Variants in HPSE2 observed in about 807,000 individuals in gnomAD.
HPSE2 encodes the protein inactive heparanase-2.
A neutral mutation model predicts 60.5 loss-of-function variants in HPSE2; 38 were observed. The ratio of observed to expected loss-of-function variants is 0.63; its 90% CI spans 0.48 to 0.82. The LOEUF is 0.82. HPSE2 is among the 40% of genes least tolerant of loss of function. HPSE2 has a pLI of 0.00. For synonymous variants in HPSE2, 295 were observed against 293.2 expected (o/e 1.01, Z -0.06); for missense variants, 713 against 740.4 (o/e 0.96, Z 0.43).
intron 6 of HPSE2, among the ~76,000 whole-genome samples, chr10:98,680,350 C>A (rs1346122634): frequency 1.3e-5 from 2 of 151,902 alleles, no homozygotes; most frequent in Admixed American, 6.6e-5. Context: ...TGATCAAGAT[C>A]ATTTATGTGA....
At chr10:98,576,489 A>G (rs749742248) in intron 9 of HPSE2, among the ~76,000 whole-genome samples, 8 of 152,276 alleles carry the variant, frequency 5.3e-5, no homozygotes, top group South Asian at 2.1e-4. Context: ...AAACTGTAAT[A>G]AAAACTACCT....
At chr10:98,669,705 C>A (rs529491350) in intron 6 of HPSE2, among the ~76,000 whole-genome samples, 1 of 152,218 alleles carries the variant, frequency 6.6e-6, no homozygotes, top group Non-Finnish European at 1.5e-5. Context: ...AACATGGGAA[C>A]AATAGACACT....
At chr10:98,986,025 T>A (rs1956337707) in intron 3 of HPSE2, among the ~76,000 whole-genome samples, 1 of 151,996 alleles carries the variant, frequency 6.6e-6, no homozygotes, top group African/African-American at 2.4e-5. Context: ...AGACTTAGAC[T>A]CCCACACAAT....
intron 3 of HPSE2, among the ~76,000 whole-genome samples, chr10:98,955,957 G>A (rs944445637): frequency 4.6e-5 from 7 of 152,046 alleles, no homozygotes; most frequent in African/African-American, 1.7e-4. Context: ...GGCCTCTCAG[G>A]AGTGAAGGGG....
At chr10:99,225,323 C>T (rs1405871881) in intron 2 of HPSE2, among the ~76,000 whole-genome samples, 1 of 151,952 alleles carries the variant, frequency 6.6e-6, no homozygotes, top group Non-Finnish European at 1.5e-5. Flanking sequence ...GCTGAAGTAA[C>T]AAGAAGTCAA....
At chr10:98,799,511 T>C (rs573127383) in intron 3 of HPSE2, among the ~76,000 whole-genome samples, 59 of 152,326 alleles carry the variant, frequency 3.9e-4, no homozygotes, top group African/African-American at 1.4e-3. Context: ...ACATGGATCA[T>C]TCTCAAGGAT....
intron 9 of HPSE2, among the ~76,000 whole-genome samples, chr10:98,575,071 T>C (rs1242965215): frequency 6.6e-6 from 1 of 152,106 alleles, no homozygotes; most frequent in East Asian, 1.9e-4. Flanking sequence ...AACCAACCAC[T>C]GTAGGGAAAG....
intron 3 of HPSE2, among the ~76,000 whole-genome samples, chr10:98,918,986 G>T (rs993369574): frequency 6.6e-6 from 1 of 152,030 alleles, no homozygotes; most frequent in African/African-American, 2.4e-5. Context: ...AGGTGCAAGG[G>T]TTGTAAAGAA....
intron 2 of HPSE2, among the ~76,000 whole-genome samples, chr10:99,170,326 T>C (rs1847259891): frequency 6.6e-6 from 1 of 152,214 alleles, no homozygotes; most frequent in Admixed American, 6.5e-5. Flanking sequence ...ATATGGATAC[T>C]TGGCAGATAT....
intron 7 of HPSE2, among the ~76,000 whole-genome samples, chr10:98,631,234 A>C (rs534154368): frequency 1.3e-5 from 2 of 152,218 alleles, no homozygotes; most frequent in South Asian, 4.1e-4. Flanking sequence ...ATCTCAAACC[A>C]CAGAAAAGCA....
At chr10:98,885,605 T>C (rs1037538987) in intron 3 of HPSE2, among the ~76,000 whole-genome samples, 4 of 152,090 alleles carry the variant, frequency 2.6e-5, no homozygotes, top group African/African-American at 2.4e-5. Context: ...TTTGTCAACA[T>C]AGAGACAAGG....
chr10:98,815,615 G>T (rs558712581), intron 3 of HPSE2, among the ~76,000 whole-genome samples: 6 of 152,168 alleles, frequency 3.9e-5, no homozygotes, highest in Non-Finnish European at 8.8e-5. Flanking sequence ...GAATGAACCA[G>T]AAATAAAATG....
chr10:99,291,151 A>G, the HPSE2 span, among the ~76,000 whole-genome samples: 1 of 152,206 alleles, frequency 6.6e-6, no homozygotes, highest in African/African-American at 2.4e-5. Context: ...AAGAGTTTAC[A>G]AGGTTGATGT....
At chr10:98,511,683 C>G (rs191684741) in intron 9 of HPSE2, among the ~76,000 whole-genome samples, 31 of 151,260 alleles carry the variant, frequency 2.0e-4, no homozygotes, top group African/African-American at 7.3e-4. Context: ...TGTATCTTTG[C>G]ATTCCCAGTG....
At chr10:98,919,959 G>A (rs925543387) in intron 3 of HPSE2, among the ~76,000 whole-genome samples, 5 of 152,098 alleles carry the variant, frequency 3.3e-5, no homozygotes, top group East Asian at 1.9e-4. Context: ...AATATGTAAC[G>A]GTGGCAGACA....
chr10:98,777,250 A>G (rs1353904988), intron 3 of HPSE2, among the ~76,000 whole-genome samples: 1 of 152,186 alleles, frequency 6.6e-6, no homozygotes, highest in African/African-American at 2.4e-5. Context: ...GGCAGGCTTA[A>G]TTAGAGAGTA....
intron 9 of HPSE2, among the ~76,000 whole-genome samples, chr10:98,598,588 A>G (rs1197181389): frequency 6.6e-6 from 1 of 151,808 alleles, no homozygotes; most frequent in Non-Finnish European, 1.5e-5. Context: ...GTTGTGACTG[A>G]AGCCTGAGCT....
intron 9 of HPSE2, among the ~76,000 whole-genome samples, chr10:98,542,962 C>T (rs1943524520): frequency 6.6e-6 from 1 of 151,926 alleles, no homozygotes; most frequent in Non-Finnish European, 1.5e-5. Flanking sequence ...CATTCAGATT[C>T]AGGAAATACA....
In HPSE2 at chr10:98,826,079, T is replaced by C. The variant is rs896636462; in HGVS notation, c.611-82023A>G. Among the ~76,000 whole-genome samples the C allele has an allele frequency of 5.9e-5, 9 of 152,370 alleles. No homozygotes were observed. The East Asian group carries it at 1.7e-3, about 29-fold the overall frequency. On this transcript the variant is annotated intron_variant, in intron 3 of 11. Transcript: ENST00000370552. ...AACACATCATTGTAGTTTAATTCTCTGCATTGTATCTATCATCATTTGATT... is the reference window on the plus strand; with the variant it reads ...AACACATCATTGTAGTTTAATTCTCCGCATTGTATCTATCATCATTTGATT...
Sources: allele counts gnomAD v4.1 joint callset (sites outside exome capture counted in the v4.1 genomes callset), GRCh38; gene constraint gnomAD v4.1.1; transcripts MANE v1.5; gene names NCBI Gene and HGNC (gene_info 2026-07-23, HGNC 2026-07-21).